The following ZC3H15 variants were observed in gnomAD, a reference collection of about 807,000 sequenced individuals.
ZC3H15 encodes the protein zinc finger CCCH-type containing 15.
In ZC3H15, 15 loss-of-function variants were observed where a neutral mutation model predicts 51.2. The observed-to-expected ratio is 0.29, with a 90% CI of 0.20 to 0.45. The LOEUF is 0.45. Ranked by LOEUF, ZC3H15 falls within the 20% of genes least tolerant of loss-of-function variation. ZC3H15 has a pLI of 1.00. For missense variants in ZC3H15, 381 were observed against 494.7 expected, an observed-to-expected ratio of 0.77 and a Z score of 2.18; for synonymous variants, 144 against 162.8, an observed-to-expected ratio of 0.88 and a Z score of 0.88.
At chr2:186,500,446 T>TA (rs1363042162) in intron 3 of ZC3H15, among the ~76,000 whole-genome samples, 153 bp downstream of exon 3, 2 of 152,220 alleles carry the variant, frequency 1.3e-5, no homozygotes, top group African/African-American at 4.8e-5. Context: ...GTGGGTTGCT[T>TA]ATGATTCCTC....
intron 2 of ZC3H15, among the ~76,000 whole-genome samples, chr2:186,499,159 C>T (rs1685336111): frequency 6.6e-6 from 1 of 152,174 alleles, no homozygotes; most frequent in Admixed American, 6.5e-5. Flanking sequence ...CAGTAATGCT[C>T]ATTTTAAGCT....
rs753221041 is a variant in ZC3H15 at position 186,501,255 on chromosome 2, A to G, written c.290-18A>G. 3.3e-5 allele frequency: 53 copies of G among 1,590,812 alleles called. No homozygotes were observed. Among genetic ancestry groups the G allele is most frequent in the Non-Finnish European group, 4.2e-5 (49 of 1,168,772 alleles). On this transcript the variant is annotated intron_variant, in intron 3 of 9. Transcript: ENST00000337859. ...CCTGGCAGATTATAATACAAATACC[A>G]TATGCCATTTGACATAGGTGCAGAT...
chr2:186,496,193 A>G (rs1488468470), intron 2 of ZC3H15, among the ~76,000 whole-genome samples: 2 of 152,254 alleles, frequency 1.3e-5, no homozygotes, highest in Middle Eastern at 3.4e-3. Context: ...ATTTGTAATT[A>G]TTTTATTTTT....
intron 2 of ZC3H15, 123 bp from the exon 3 acceptor site, chr2:186,500,059 A>C: frequency 1.3e-6 from 1 of 763,148 alleles, no homozygotes; most frequent in Non-Finnish European, 2.1e-6. Flanking sequence ...GGCCATTATA[A>C]CACTGATGTT....
At chr2:186,503,959 C>A in intron 5 of ZC3H15, 73 bp from the exon 6 acceptor site, 1 of 1,250,466 alleles carries the variant, frequency 8.0e-7, no homozygotes, top group Non-Finnish European at 1.1e-6. Context: ...TATACTTGTT[C>A]CATATACTCA....
intron 7 of ZC3H15, 57 bp downstream of exon 7, chr2:186,505,654 T>A: frequency 6.2e-7 from 1 of 1,601,942 alleles, no homozygotes; most frequent in Non-Finnish European, 8.5e-7. Flanking sequence ...AATTTCTGTG[T>A]CATGCAAGAT....
rs1685515945 is a variant in ZC3H15, at chr2:186,509,194, C to T, written c.*461C>T. The T allele has an allele frequency of 3.2e-6, 1 of 315,854 alleles. No individual in the cohort carries two copies. Among genetic ancestry groups the T allele is most frequent in the Non-Finnish European group, 6.2e-6 (1 of 162,504 alleles). The allele number at this position is 315,854 out of a possible 1,614,324, so 19.6% of individuals were successfully genotyped here. The stretch of plus-strand genomic sequence containing the variant: ...TACTTCATAAAGGAAACTGCGTATG[C>T]AGATTCAGTATTGTGTATCTTTGGA... On this transcript the variant is annotated 3_prime_UTR_variant, in exon 10 of 10. Transcript: ENST00000337859.
At chr2:186,493,007 A>AT (rs1369424773) in intron 1 of ZC3H15, among the ~76,000 whole-genome samples, 4 of 152,052 alleles carry the variant, frequency 2.6e-5, no homozygotes, top group African/African-American at 9.7e-5. Flanking sequence ...GCATATGAAG[A>AT]TTGGCAGTAG....
At chr2:186,488,234 A>G (rs1685137122) in intron 1 of ZC3H15, among the ~76,000 whole-genome samples, 1 of 152,112 alleles carries the variant, frequency 6.6e-6, no homozygotes, top group Non-Finnish European at 1.5e-5. Context: ...GTATAGTTCT[A>G]TGTGTTTTGA....
intron 5 of ZC3H15, 32 bp from the exon 6 acceptor site, chr2:186,504,000 G>A (rs1306397768): frequency 1.3e-6 from 2 of 1,518,390 alleles, no homozygotes; most frequent in Non-Finnish European, 1.8e-6. Context: ...CCTACACTGA[G>A]CCACCGCTTG....
chr2:186,496,990 G>A (rs1284405513), intron 2 of ZC3H15: 4 of 328,186 alleles, frequency 1.2e-5, no homozygotes, highest in African/African-American at 2.3e-5. Flanking sequence ...GTTGTTCTTA[G>A]GCATTTATTC....
At chr2:186,507,701 A>G (rs942272168) in intron 9 of ZC3H15, among the ~76,000 whole-genome samples, 1 of 152,230 alleles carries the variant, frequency 6.6e-6, no homozygotes, top group Non-Finnish European at 1.5e-5. Context: ...AAGCTGAGAC[A>G]GAAAAGGCTG....
At chr2:186,505,902 C>G (rs983942249) in intron 8 of ZC3H15, 61 bp downstream of exon 8, 1 of 1,541,718 alleles carries the variant, frequency 6.5e-7, no homozygotes. Flanking sequence ...TAGAAAATAC[C>G]ACAACATGGT....
At chr2:186,492,613 C>T (rs1225952424) in intron 1 of ZC3H15, among the ~76,000 whole-genome samples, 1 of 152,176 alleles carries the variant, frequency 6.6e-6, no homozygotes. Context: ...GCAAAACCCT[C>T]TGTACTTTTT....
chr2:186,486,648 C>T (rs1032791275), intron 1 of ZC3H15, among the ~76,000 whole-genome samples, 191 bp downstream of exon 1: 3 of 152,186 alleles, frequency 2.0e-5, no homozygotes, highest in Non-Finnish European at 4.4e-5. Flanking sequence ...GCTGCTGGCG[C>T]CCCCGCACCT....
intron 4 of ZC3H15, 93 bp downstream of exon 4, chr2:186,501,518 T>G: frequency 9.4e-7 from 1 of 1,059,910 alleles, no homozygotes; most frequent in Non-Finnish European, 1.3e-6. Context: ...CATTTCAATC[T>G]TAATAGACTG....
intron 9 of ZC3H15, 42 bp downstream of exon 9, chr2:186,506,878 T>C: frequency 1.3e-6 from 2 of 1,590,362 alleles, no homozygotes; most frequent in Middle Eastern, 1.7e-4. Context: ...AACTAGGAAG[T>C]TATCTAAAGG....
chr2:186,509,187 G>A lies in ZC3H15; in HGVS notation c.*454G>A. The A allele has an allele frequency of 9.3e-6, 3 of 322,422 alleles. No homozygotes were observed. The highest frequency in any genetic ancestry group is 8.2e-5 in the South Asian group (3 of 36,608). The allele number at this position is 322,422 out of a possible 1,614,324, so 20.0% of individuals were successfully genotyped here. A position where few individuals can be genotyped will look rare whatever the true frequency, so the allele number is the denominator to read the frequency against. On this transcript the variant is annotated 3_prime_UTR_variant, in exon 10 of 10. Transcript: ENST00000337859. The stretch of plus-strand genomic sequence containing the variant: ...AGCACTGTACTTCATAAAGGAAACT[G>A]CGTATGCAGATTCAGTATTGTGTAT...
chr2:186,500,779 A>G, intron 3 of ZC3H15: 3 of 445,336 alleles, frequency 6.7e-6, no homozygotes, highest in South Asian at 4.8e-5. Context: ...GGTTCAAGCC[A>G]TTGTCCTGCC....
Sources: gnomAD v4.1 joint callset for allele counts (sites outside exome capture counted in the v4.1 genomes callset) on GRCh38, gnomAD v4.1.1 for gene constraint, MANE v1.5 for transcripts, NCBI Gene and HGNC (gene_info 2026-07-23, HGNC 2026-07-21) for gene names.